LMBR1: variants seen among roughly 807,000 people sequenced by gnomAD.
LMBR1 encodes limb development membrane protein 1, also known as limb region 1 protein homolog.
Under a neutral mutation model 73.9 loss-of-function variants are expected in LMBR1, and 52 were observed. The observed-to-expected ratio is 0.70, with a 90% CI of 0.56 to 0.89. LMBR1 has a LOEUF of 0.89. Among genes scored for constraint, LMBR1 ranks in the 40% least tolerant of loss-of-function variants. The pLI, the probability that LMBR1 is intolerant of heterozygous loss-of-function variation, is 0.00. For synonymous variants in LMBR1, 215 were observed against 209.4 expected (o/e 1.03, Z -0.23); for missense variants, 539 against 579.8 (o/e 0.93, Z 0.72).
chr7:156,851,696 CAT>C (rs1035344494), intron 1 of LMBR1, among the ~76,000 whole-genome samples: 1 of 152,066 alleles, frequency 6.6e-6, no homozygotes, highest in African/African-American at 2.4e-5. Context: ...ACAGTAAACA[CAT>C]AGTGACTAAT....
downstream of LMBR1, among the ~76,000 whole-genome samples, chr7:156,677,328 T>C (rs1386633082): frequency 2.0e-5 from 3 of 152,188 alleles, no homozygotes; most frequent in Non-Finnish European, 4.4e-5. Context: ...CAACTCTCAG[T>C]GGCTCGCTGA....
rs183097353 is a variant in LMBR1 at position 156,762,910 on chromosome 7, G to A, written c.619+198C>T. Among the ~76,000 whole-genome samples the A allele has an allele frequency of 6.1e-3, 931 of 151,622 alleles. 11 individuals are homozygous for A. The highest frequency in any genetic ancestry group is 0.021 in the African/African-American group (854 of 41,322). On this transcript the variant is annotated intron_variant, in intron 7 of 16. Transcript: ENST00000353442. ...CTCACTCTACAACCCAGTAGAAGAA[G>A]CTTTCCTTAGAGAACAATAAAAGCA...
intron 1 of LMBR1, among the ~76,000 whole-genome samples, chr7:156,890,295 G>A (rs894219475): frequency 5.9e-5 from 9 of 152,014 alleles, no homozygotes; most frequent in East Asian, 3.9e-4. Context: ...TTTCTTAATC[G>A]GGACATTAAA....
chr7:156,845,771 G>A lies in LMBR1; in HGVS notation c.67-8886C>T, dbSNP rs578240004. Among the ~76,000 whole-genome samples, 7 of 151,944 alleles carry A rather than the reference G, an allele frequency of 4.6e-5. 1 individual carries two copies. The highest frequency in any genetic ancestry group is 9.7e-5 in the African/African-American group (4 of 41,406). On this transcript the variant is annotated intron_variant, in intron 1 of 16. Transcript: ENST00000353442. ...CTCAAGTGATCCCCCACTTCCATTCGCCATGTAGCTGAGATTACAGGTGTG... is the reference window on the plus strand; with the variant it reads ...CTCAAGTGATCCCCCACTTCCATTCACCATGTAGCTGAGATTACAGGTGTG...
intron 5 of LMBR1, among the ~76,000 whole-genome samples, chr7:156,786,134 G>A (rs1828035135): frequency 6.6e-6 from 1 of 150,686 alleles, no homozygotes; most frequent in South Asian, 2.1e-4. Flanking sequence ...TGTGAAGGAG[G>A]GAAAGAAGGA....
chr7:156,778,339 A>G (rs957298529), intron 5 of LMBR1, among the ~76,000 whole-genome samples: 1 of 152,240 alleles, frequency 6.6e-6, no homozygotes, highest in Non-Finnish European at 1.5e-5. Context: ...TGCTTGTCCT[A>G]TGAAATATTA....
intron 1 of LMBR1, among the ~76,000 whole-genome samples, chr7:156,874,712 G>A (rs866690350): frequency 3.3e-5 from 5 of 152,152 alleles, no homozygotes; most frequent in African/African-American, 9.7e-5. Context: ...ACTGCAGCTC[G>A]GCCCTCAGGA....
chr7:156,749,700 G>A (rs892376067), intron 9 of LMBR1, among the ~76,000 whole-genome samples: 9 of 151,674 alleles, frequency 5.9e-5, no homozygotes, highest in African/African-American at 1.5e-4. Flanking sequence ...GGACTTTTTC[G>A]TTTTTTTTAG....
At chr7:156,877,520 C>A (rs1023936537) in intron 1 of LMBR1, among the ~76,000 whole-genome samples, 1 of 152,088 alleles carries the variant, frequency 6.6e-6, no homozygotes, top group Non-Finnish European at 1.5e-5. Flanking sequence ...CTAACCGAAT[C>A]CAAAAACATA....
intron 1 of LMBR1, among the ~76,000 whole-genome samples, chr7:156,850,796 AATGGTTTGG>A (rs1796128364): frequency 6.6e-6 from 1 of 152,166 alleles, no homozygotes; most frequent in African/African-American, 2.4e-5. Context: ...CACCCTTTGA[AATGGTTTGG>A]ATGTGTGTCC....
chr7:156,771,776 CA>C (rs531911815), intron 5 of LMBR1, among the ~76,000 whole-genome samples: 173 of 152,190 alleles, frequency 1.1e-3, no homozygotes, highest in African/African-American at 4.0e-3. Flanking sequence ...GGCTAAGACA[CA>C]AAAAGAAAAA....
At chr7:156,711,697 C>G (rs187874305) in intron 15 of LMBR1, among the ~76,000 whole-genome samples, 1 of 152,076 alleles carries the variant, frequency 6.6e-6, no homozygotes, top group Non-Finnish European at 1.5e-5. Context: ...AATAAAGCCA[C>G]GTATTTACAG....
intron 1 of LMBR1, among the ~76,000 whole-genome samples, chr7:156,846,605 G>A (rs1003216733): frequency 1.3e-5 from 2 of 152,044 alleles, no homozygotes; most frequent in African/African-American, 2.4e-5. Context: ...TCAAGATGTC[G>A]GTTCTTCCCA....
chr7:156,675,449 T>C (rs1247811676), downstream of LMBR1, among the ~76,000 whole-genome samples: 1 of 152,248 alleles, frequency 6.6e-6, no homozygotes. Context: ...ATATTCAGTA[T>C]GCCAAGGTGC....
Position 156,763,840 on chromosome 7 carries a change from T to G in LMBR1, c.424-45A>C, listed in dbSNP as rs201282833. On this transcript the variant is annotated intron_variant, in intron 5 of 16. Transcript: ENST00000353442. Reference sequence around the variant, plus strand: ...TATAATTTTAGTATTTTACTTCATTTCATGAACAATAAGGTTTCTGCCTAT... The same window carrying G: ...TATAATTTTAGTATTTTACTTCATTGCATGAACAATAAGGTTTCTGCCTAT... 4 of 1,505,332 alleles carry G rather than the reference T, an allele frequency of 2.7e-6. No individual in the cohort carries two copies. In the East Asian group the frequency reaches 9.5e-5, roughly 36 times the overall value. The allele number at this position is 1,505,332 out of a possible 1,614,324, so 93.2% of individuals were successfully genotyped here.
chr7:156,800,903 C>A (rs1197020880), intron 4 of LMBR1, among the ~76,000 whole-genome samples: 1 of 152,108 alleles, frequency 6.6e-6, no homozygotes, highest in Non-Finnish European at 1.5e-5. Context: ...AGAGGTGGAT[C>A]CTGAAGATGT....
At chr7:156,891,251 CACACACACAT>C (rs1192821105) in intron 1 of LMBR1, among the ~76,000 whole-genome samples, 1 of 131,934 alleles carries the variant, frequency 7.6e-6, no homozygotes, top group African/African-American at 2.9e-5. Context: ...CACACACACA[CACACACACAT>C]ATATACATAC....
chr7:156,873,376 T>C (rs1799631497), intron 1 of LMBR1, among the ~76,000 whole-genome samples: 1 of 152,138 alleles, frequency 6.6e-6, no homozygotes. Context: ...TTACAGCTCA[T>C]AAAAGCAGCG....
At chr7:156,876,942 C>T (rs907038257) in intron 1 of LMBR1, among the ~76,000 whole-genome samples, 4 of 151,900 alleles carry the variant, frequency 2.6e-5, no homozygotes, top group African/African-American at 9.7e-5. Context: ...CAAACCCAAA[C>T]CCAGCAGAAG....
Sources: allele counts gnomAD v4.1 joint callset (sites outside exome capture counted in the v4.1 genomes callset), GRCh38; gene constraint gnomAD v4.1.1; transcripts MANE v1.5; gene names NCBI Gene and HGNC (gene_info 2026-07-23, HGNC 2026-07-21).